Variants in NKX2-2 observed in about 807,000 individuals in gnomAD.
NKX2-2 encodes the protein homeobox protein Nkx-2.2.
Under a neutral mutation model 24.6 loss-of-function variants are expected in NKX2-2, and 8 were observed. The ratio of observed to expected loss-of-function variants is 0.32; its 90% CI spans 0.19 to 0.59. The LOEUF (loss-of-function observed/expected upper bound fraction) is 0.59. NKX2-2 is among the 20% of genes least tolerant of loss of function. NKX2-2 has a pLI of 0.86. For missense variants in NKX2-2, 381 were observed against 373.9 expected (o/e 1.02, Z -0.16); for synonymous variants, 217 against 173.3 (o/e 1.25, Z -1.98).
Position 21,514,029 on chromosome 20 carries a change from G to C in NKX2-2, c.-360C>G. ...TCAGCTCGGGCTCCGGCGGCCGCTC[G>C]GCGCGCGGTGGCGGCTGGTGGCGAG... On this transcript the variant is annotated 5_prime_UTR_variant, in exon 1 of 2. Coordinates refer to ENST00000377142, the MANE Select transcript of NKX2-2 (RefSeq NM_002509.4). 6.0e-6 allele frequency: 1 copy of C among 165,384 alleles called. No homozygotes were observed. Among genetic ancestry groups the C allele is most frequent in the Non-Finnish European group, 1.3e-5 (1 of 77,266 alleles). The allele number at this position is 165,384 out of a possible 1,614,324, so 10.2% of individuals were successfully genotyped here.
rs757235256 is a variant in NKX2-2, at chr20:21,513,468, T to C, written c.202A>G (p.Ser68Gly). The change falls in exon 1 of 2, where the codon AGC becomes GGC. Residue 68 changes from serine (S) to glycine (G), a missense_variant. Physicochemically the swap from Ser to Gly is moderately conservative, Grantham distance 56. Around this residue, in one of 3 missense-constraint regions of NKX2-2, gnomAD observed 206 missense variants for 173.1 expected, o/e 1.19. Coordinates refer to ENST00000377142, the MANE Select transcript of NKX2-2 (RefSeq NM_002509.4). The surrounding 1 kb of genome is among the most constrained non-coding windows in gnomAD (Gnocchi z 4.6). Reference protein sequence around the residue: ...SLPLKNPFYDSSDNPYTRWLA... With the variant: ...SLPLKNPFYDGSDNPYTRWLA... ...CAGCGCGTGTACGGGTTGTCGCTGCTGTCGTAGAAGGGGTTCTTCAGGGGC... is the reference window on the plus strand; with the variant it reads ...CAGCGCGTGTACGGGTTGTCGCTGCCGTCGTAGAAGGGGTTCTTCAGGGGC... The C allele has an allele frequency of 8.1e-6, 13 of 1,605,496 alleles. No homozygotes were observed. Among genetic ancestry groups the C allele is most frequent in the African/African-American group, 1.3e-5 (1 of 74,504 alleles).
At chr20:21,519,345 G>C in the NKX2-2 span, among the ~76,000 whole-genome samples, 1 of 152,156 alleles carries the variant, frequency 6.6e-6, no homozygotes, top group Admixed American at 6.5e-5. Context: ...TTAGCGCCAA[G>C]GTGCAAGCGT....
chr20:21,517,366 G>T (rs192990677), upstream of NKX2-2, among the ~76,000 whole-genome samples: 86 of 152,300 alleles, frequency 5.6e-4, 1 homozygote, highest in Middle Eastern at 3.4e-3. Flanking sequence ...ATTGGAGAGA[G>T]CTTCGGCCTT....
rs758033734 is a variant in NKX2-2, at chr20:21,511,950, C to T, written c.795G>A (p.Leu265=). The part of the protein sequence containing the change: ...STPQYPTAHP[L]VQAQQWTW ...ACCAAGTCCACTGCTGGGCCTGGAC[C>T]AGGGGGTGTGCTGTCGGGTACTGGG... The change falls in exon 2 of 2, where the codon CTG becomes CTA. Residue 265 remains leucine (L), a synonymous_variant. Transcript: ENST00000377142. 3 of 1,601,496 alleles carry T rather than the reference C, an allele frequency of 1.9e-6. No individual in the cohort carries two copies. The highest frequency in any genetic ancestry group is 8.5e-7 in the Non-Finnish European group (1 of 1,174,742).
chr20:21,511,868 A>G lies in NKX2-2; in HGVS notation c.*55T>C, dbSNP rs1363584658. On this transcript the variant is annotated 3_prime_UTR_variant, in exon 2 of 2. Transcript: ENST00000377142. ...TAAGGACCGAGGCCTCCTCGCCGCC[A>G]CCGCCGCCGGGGTGGGGCCTGGGCC... 1 of 1,440,260 alleles carries G rather than the reference A, an allele frequency of 6.9e-7. No homozygotes were observed. Among genetic ancestry groups the G allele is most frequent in the Non-Finnish European group, 9.3e-7 (1 of 1,076,216 alleles). 89.2% of individuals were successfully genotyped at this position (1,440,260 alleles called of 1,614,324 possible).
rs913153914 is a variant in NKX2-2 at position 21,511,752 on chromosome 20, G to A, written c.*171C>T. 2.7e-5 allele frequency: 14 copies of A among 513,296 alleles called. No homozygotes were observed. In the Admixed American group the frequency reaches 3.7e-4, roughly 14 times the overall value. 31.8% of individuals were successfully genotyped at this position (513,296 alleles called of 1,614,324 possible). On this transcript the variant is annotated 3_prime_UTR_variant, in exon 2 of 2. Transcript: ENST00000377142. ...GGTGGGTGGAATCTGCCACTCCAAG[G>A]AGACGCAGGCAACCTCCCGGCGCCT...
At chr20:21,514,529 AAAC>A (rs1222066560), upstream of NKX2-2, among the ~76,000 whole-genome samples, 3 of 152,132 alleles carry the variant, frequency 2.0e-5, no homozygotes, top group Middle Eastern at 3.2e-3. Context: ...GGAGGGGAGA[AAAC>A]AAAACAGAAA....
chr20:21,518,269 T>TG (rs918985692), upstream of NKX2-2, among the ~76,000 whole-genome samples: 8 of 152,160 alleles, frequency 5.3e-5, no homozygotes, highest in Non-Finnish European at 1.0e-4. Context: ...CCTGAACAGC[T>TG]GGACCCCTCA....
the NKX2-2 span, among the ~76,000 whole-genome samples, chr20:21,521,053 C>T: frequency 6.6e-6 from 1 of 152,054 alleles, no homozygotes; most frequent in Admixed American, 6.6e-5. Context: ...AAGTAGTTGT[C>T]GGTGGCGCGG....
At position 21,511,874 on chromosome 20, in the gene NKX2-2, G is replaced by C; in HGVS notation, c.*49C>G. 2.7e-6 allele frequency: 4 copies of C among 1,466,634 alleles called. No homozygotes were observed. Among genetic ancestry groups the C allele is most frequent in the Non-Finnish European group, 3.6e-6 (4 of 1,098,462 alleles). The allele number at this position is 1,466,634 out of a possible 1,614,324, so 90.9% of individuals were successfully genotyped here. A position where few individuals can be genotyped will look rare whatever the true frequency, so the allele number is the denominator to read the frequency against. On this transcript the variant is annotated 3_prime_UTR_variant, in exon 2 of 2. Coordinates refer to ENST00000377142, the MANE Select transcript of NKX2-2 (RefSeq NM_002509.4). ...CCGAGGCCTCCTCGCCGCCACCGCC[G>C]CCGGGGTGGGGCCTGGGCCTGGGGC... is the stretch of plus-strand genomic sequence containing the variant.
the NKX2-2 span, among the ~76,000 whole-genome samples, chr20:21,521,700 G>T: frequency 1.2e-4 from 19 of 152,304 alleles, no homozygotes; most frequent in African/African-American, 4.6e-4. Flanking sequence ...GACTTACCCG[G>T]TGGAGGTGGG....
At position 21,513,461 on chromosome 20, in the gene NKX2-2, T is replaced by C. The variant is rs1282440061; in HGVS notation, c.209A>G (p.Asp70Gly). 1 of 1,604,406 alleles carries C rather than the reference T, an allele frequency of 6.2e-7. No homozygotes were observed. ...PLKNPFYDSS[D>G]NPYTRWLAST... The stretch of plus-strand genomic sequence containing the variant: ...GGCCAGCCAGCGCGTGTACGGGTTG[T>C]CGCTGCTGTCGTAGAAGGGGTTCTT... Residue 70 changes from aspartate to glycine, a missense_variant, in exon 1 of 2, where the codon GAC (aspartate) becomes GGC (glycine). Asp to Gly is a moderately conservative substitution (Grantham distance 94, BLOSUM62 -1). Transcript: ENST00000377142. This position sits in a 1 kb window ranked among gnomAD's most constrained non-coding sequence, Gnocchi z 4.6.
the NKX2-2 span, among the ~76,000 whole-genome samples, chr20:21,520,285 G>A: frequency 6.6e-6 from 1 of 152,132 alleles, no homozygotes; most frequent in African/African-American, 2.4e-5. Flanking sequence ...GATGCAGGAG[G>A]AAGGCATCTA....
In NKX2-2 at chr20:21,512,094, C is replaced by A. The variant is rs113222063; in HGVS notation, c.651G>T (p.Ala217=). The A allele has an allele frequency of 1.2e-5, 19 of 1,613,680 alleles. No individual in the cohort carries two copies. In the Admixed American group the frequency reaches 2.8e-4, roughly 24 times the overall value. The change falls in exon 2 of 2, where the codon GCG becomes GCT. Residue 217 remains alanine (A), a synonymous_variant. Coordinates refer to ENST00000377142, the MANE Select transcript of NKX2-2 (RefSeq NM_002509.4). ...VLVRDGKPCH[A]LKAQDLAAAT... is the part of the protein sequence containing the mutation. Reference sequence around the variant, plus strand: ...CGGCTGCCAGGTCCTGGGCTTTGAGCGCGTGACATGGTTTGCCGTCCCTGA... The same window carrying A: ...CGGCTGCCAGGTCCTGGGCTTTGAGAGCGTGACATGGTTTGCCGTCCCTGA...
At chr20:21,518,369 G>A (rs1980692086), upstream of NKX2-2, among the ~76,000 whole-genome samples, 1 of 152,154 alleles carries the variant, frequency 6.6e-6, no homozygotes, top group African/African-American at 2.4e-5. Context: ...CGGACGCATT[G>A]GGAGTCCTAC....
rs543946553 is a variant in NKX2-2, at chr20:21,512,145, C to T, written c.600G>A (p.Pro200=). ...KGMEVTPLPS[P]RRVAVPVLVR... is the part of the protein sequence containing the mutation. Reference sequence around the variant, plus strand: ...CCAAGACGGGCACGGCCACCCGGCGCGGCGAGGGCAGGGGCGTCACCTCCA... The same window carrying T: ...CCAAGACGGGCACGGCCACCCGGCGTGGCGAGGGCAGGGGCGTCACCTCCA... The change falls in exon 2 of 2, where the codon CCG becomes CCA. Residue 200 remains proline (P), a synonymous_variant. Transcript: ENST00000377142. The T allele has an allele frequency of 1.2e-6, 2 of 1,613,716 alleles. No homozygotes were observed. Among genetic ancestry groups the T allele is most frequent in the East Asian group, 2.2e-5 (1 of 44,874 alleles).
chr20:21,513,695 G>A lies in NKX2-2; in HGVS notation c.-26C>T, dbSNP rs145333108. 7.9e-7 allele frequency: 1 copy of A among 1,268,224 alleles called. No individual in the cohort carries two copies. 78.6% of individuals were successfully genotyped at this position (1,268,224 alleles called of 1,614,324 possible). A position where few individuals can be genotyped will look rare whatever the true frequency, so the allele number is the denominator to read the frequency against. ...GGTTCGAGACCCCAAAATTTATGTC[G>A]CAAAGTTGTAGCTTCACTTGGTCAA... On this transcript the variant is annotated 5_prime_UTR_variant, in exon 1 of 2. Coordinates refer to ENST00000377142, the MANE Select transcript of NKX2-2 (RefSeq NM_002509.4). The surrounding 1 kb of genome is among the most constrained non-coding windows in gnomAD (Gnocchi z 4.6).
Position 21,513,364 on chromosome 20 carries a change from A to G in NKX2-2, c.259+47T>C, listed in dbSNP as rs998863382. The G allele has an allele frequency of 6.8e-6, 10 of 1,479,938 alleles. No individual in the cohort carries two copies. In the Admixed American group the frequency reaches 1.7e-4, roughly 25 times the overall value. 91.7% of individuals were successfully genotyped at this position (1,479,938 alleles called of 1,614,324 possible). ...AGCGTCCAACCCGGGCTGCGGCTGC[A>G]GGAATGGAGGGGACCACGGCCTCGG... On this transcript the variant is annotated intron_variant, in intron 1 of 1. Transcript: ENST00000377142. This position sits in a 1 kb window ranked among gnomAD's most constrained non-coding sequence, Gnocchi z 4.6.
Position 21,512,382 on chromosome 20 carries a change from G to A in NKX2-2, c.363C>T (p.Gly121=). 6.2e-7 allele frequency: 1 copy of A among 1,601,598 alleles called. No homozygotes were observed. The highest frequency in any genetic ancestry group is 8.5e-7 in the Non-Finnish European group (1 of 1,175,802). The stretch of plus-strand genomic sequence containing the variant: ...TTCGCTTCTTGCCGGCGTCCCCCCC[G>A]CCGCCCGGGGTCTCCTTGTCATTGT... ...SPDNDKETPG[G]GGDAGKKRKR... The change falls in exon 2 of 2, where the codon GGC becomes GGT. Residue 121 remains glycine (G), a synonymous_variant. Coordinates refer to ENST00000377142, the MANE Select transcript of NKX2-2 (RefSeq NM_002509.4).
Sources: gnomAD v4.1 joint callset for allele counts (sites outside exome capture counted in the v4.1 genomes callset) on GRCh38, gnomAD v4.1.1 for gene constraint, gnomAD v4.1.1 regional missense constraint, Gnocchi (gnomAD v3.1) non-coding constraint, MANE v1.5 for transcripts, NCBI Gene and HGNC (gene_info 2026-07-23, HGNC 2026-07-21) for gene names.